The following SPAG16 variants were observed in gnomAD, a reference collection of about 807,000 sequenced individuals.
The protein encoded by SPAG16 is sperm associated antigen 16, also known as sperm-associated antigen 16 protein.
SPAG16 carries 86 observed loss-of-function variants against 80.4 expected under a neutral mutation model. The ratio of observed to expected loss-of-function variants is 1.07; its 90% CI spans 0.90 to 1.28. The LOEUF (loss-of-function observed/expected upper bound fraction) is 1.28, where lower values mean the gene tolerates loss of function less well. Ranked by LOEUF, SPAG16 falls within the 50% of genes most tolerant of loss-of-function variation. The pLI is 0.00. For missense variants in SPAG16, 870 were observed against 765.3 expected (o/e 1.14, Z -1.61); for synonymous variants, 294 against 265.9 (o/e 1.11, Z -1.03).
At chr2:213,433,640 G>A (rs2070435155) in intron 9 of SPAG16, among the ~76,000 whole-genome samples, 1 of 152,012 alleles carries the variant, frequency 6.6e-6, no homozygotes, top group Non-Finnish European at 1.5e-5. Flanking sequence ...CTCATGGAGT[G>A]GAAAAATTAA....
intron 15 of SPAG16, among the ~76,000 whole-genome samples, chr2:214,166,512 C>T (rs539525948): frequency 6.6e-6 from 1 of 152,306 alleles, no homozygotes; most frequent in South Asian, 2.1e-4. Context: ...CAGCCAGGCT[C>T]CTGTTAGGCC....
intron 10 of SPAG16, among the ~76,000 whole-genome samples, chr2:213,821,644 A>G (rs2072942637): frequency 6.6e-6 from 1 of 152,172 alleles, no homozygotes; most frequent in Non-Finnish European, 1.5e-5. Flanking sequence ...CAAATATGAA[A>G]TCCTATTCTT....
intron 15 of SPAG16, among the ~76,000 whole-genome samples, chr2:214,396,615 C>T (rs1300996483): frequency 6.6e-6 from 1 of 152,074 alleles, no homozygotes; most frequent in East Asian, 1.9e-4. Flanking sequence ...CTTCTTCTTA[C>T]ATGTTCATGT....
intron 10 of SPAG16, among the ~76,000 whole-genome samples, chr2:213,527,323 C>T (rs577848858): frequency 3.5e-4 from 54 of 152,260 alleles, no homozygotes; most frequent in African/African-American, 1.3e-3. Flanking sequence ...TTAGCTTTCT[C>T]AGGACAGCTA....
chr2:213,549,737 A>G (rs1219376250), intron 10 of SPAG16, among the ~76,000 whole-genome samples: 1 of 152,176 alleles, frequency 6.6e-6, no homozygotes, highest in Non-Finnish European at 1.5e-5. Context: ...TCATATCTCA[A>G]TATCTGCTAA....
At chr2:214,309,626 C>T in intron 15 of SPAG16, among the ~76,000 whole-genome samples, 1 of 151,964 alleles carries the variant, frequency 6.6e-6, no homozygotes. Context: ...AAGGTGGAGT[C>T]AGCTGACTAG....
At chr2:214,330,035 G>A (rs576552033) in intron 15 of SPAG16, among the ~76,000 whole-genome samples, 2 of 152,010 alleles carry the variant, frequency 1.3e-5, no homozygotes, top group South Asian at 2.1e-4. Flanking sequence ...GGGGGGCCAT[G>A]GCAGGTGGAT....
At chr2:214,218,271 G>A (rs976747666) in intron 15 of SPAG16, among the ~76,000 whole-genome samples, 1 of 152,074 alleles carries the variant, frequency 6.6e-6, no homozygotes, top group African/African-American at 2.4e-5. Context: ...GGACGGCCTC[G>A]AGGTCCCCTT....
intron 10 of SPAG16, among the ~76,000 whole-genome samples, chr2:213,495,004 G>T (rs1278324735): frequency 4.6e-5 from 7 of 152,190 alleles, no homozygotes; most frequent in African/African-American, 1.7e-4. Flanking sequence ...CCTGAAAAAT[G>T]TAGCTAATAT....
intron 15 of SPAG16, among the ~76,000 whole-genome samples, chr2:214,248,253 A>G (rs1689991048): frequency 6.6e-6 from 1 of 150,548 alleles, no homozygotes; most frequent in South Asian, 2.1e-4. Context: ...AGAAATATTT[A>G]CTGAATACCT....
chr2:213,902,858 T>C (rs2077276424), intron 11 of SPAG16, among the ~76,000 whole-genome samples: 1 of 152,142 alleles, frequency 6.6e-6, no homozygotes, highest in African/African-American at 2.4e-5. Context: ...GGGGTACAGG[T>C]ATTGGCTAAA....
chr2:213,350,650 A>T lies in SPAG16; in HGVS notation c.762+5A>T. On this transcript the variant is annotated splice_donor_5th_base_variant and intron_variant, in intron 7 of 15. Transcript: ENST00000331683. The stretch of plus-strand genomic sequence containing the variant: ...AGAGACAAAGTAGTTGGGCAGGTAA[A>T]GATATAGTCAAAGCTAACTTAAAAT... 1 of 1,485,900 alleles carries T rather than the reference A, an allele frequency of 6.7e-7. No homozygotes were observed. The highest frequency in any genetic ancestry group is 1.3e-5 in the South Asian group (1 of 79,692). 92.0% of individuals were successfully genotyped at this position (1,485,900 alleles called of 1,614,324 possible). A position where few individuals can be genotyped will look rare whatever the true frequency, so the allele number is the denominator to read the frequency against.
chr2:213,552,012 G>A (rs1163261590), intron 10 of SPAG16, among the ~76,000 whole-genome samples: 1 of 151,988 alleles, frequency 6.6e-6, no homozygotes, highest in African/African-American at 2.4e-5. Context: ...CTCCAAGTTT[G>A]GGCATACTCC....
At chr2:213,456,949 GT>G (rs1559151257) in intron 9 of SPAG16, among the ~76,000 whole-genome samples, 1 of 150,852 alleles carries the variant, frequency 6.6e-6, no homozygotes, top group African/African-American at 2.4e-5. Flanking sequence ...AACAAAGCTG[GT>G]TTTTTTAGTG....
intron 9 of SPAG16, among the ~76,000 whole-genome samples, chr2:213,459,585 C>T (rs1042245281): frequency 3.3e-4 from 50 of 152,164 alleles, no homozygotes; most frequent in African/African-American, 1.2e-3. Flanking sequence ...GGGGTGATCA[C>T]TGGAACCCAT....
intron 13 of SPAG16, among the ~76,000 whole-genome samples, chr2:214,092,387 G>T (rs1419327815): frequency 2.0e-5 from 3 of 151,818 alleles, no homozygotes; most frequent in African/African-American, 7.3e-5. Flanking sequence ...ACTTTATTTT[G>T]CATTTCACTG....
intron 12 of SPAG16, among the ~76,000 whole-genome samples, chr2:213,999,154 A>C (rs1379968360): frequency 6.6e-6 from 1 of 152,134 alleles, no homozygotes; most frequent in Non-Finnish European, 1.5e-5. Context: ...TCTCCAGGGC[A>C]TGTCAGAGGT....
intron 15 of SPAG16, among the ~76,000 whole-genome samples, chr2:214,288,559 C>T (rs1487678571): frequency 2.0e-5 from 3 of 152,000 alleles, no homozygotes; most frequent in Non-Finnish European, 4.4e-5. Flanking sequence ...TGTATGAGTT[C>T]CCTTCTCCTC....
chr2:214,273,020 A>T (rs1277748505), intron 15 of SPAG16, among the ~76,000 whole-genome samples: 1 of 152,064 alleles, frequency 6.6e-6, no homozygotes, highest in East Asian at 1.9e-4. Context: ...TGTGGTTTTG[A>T]TTTGCATTTC....
Sources: gnomAD v4.1 joint callset for allele counts (sites outside exome capture counted in the v4.1 genomes callset) on GRCh38, gnomAD v4.1.1 for gene constraint, MANE v1.5 for transcripts, NCBI Gene and HGNC (gene_info 2026-07-23, HGNC 2026-07-21) for gene names.